PCDH7: variants seen among roughly 807,000 people sequenced by gnomAD.
PCDH7 encodes protocadherin-7.
Under a neutral mutation model 58.9 loss-of-function variants are expected in PCDH7, and 17 were observed. The observed-to-expected ratio is 0.29, with a 90% confidence interval of 0.20 to 0.43. The LOEUF (loss-of-function observed/expected upper bound fraction) is 0.43, where lower values mean the gene tolerates loss of function less well. PCDH7 is among the 20% of genes least tolerant of loss of function. The pLI, the probability that PCDH7 is intolerant of heterozygous loss-of-function variation, is 1.00. For synonymous variants in PCDH7, 664 were observed against 616.4 expected, an observed-to-expected ratio of 1.08 and a Z score of -1.14; for missense variants, 1,274 against 1,441.0, an observed-to-expected ratio of 0.88 and a Z score of 1.88.
chr4:31,121,394 A>G (rs1717675626), intron 3 of PCDH7, among the ~76,000 whole-genome samples: 1 of 152,254 alleles, frequency 6.6e-6, no homozygotes. Flanking sequence ...GATACAAATT[A>G]GAAGAGTTTC....
intron 1 of PCDH7, among the ~76,000 whole-genome samples, chr4:30,870,715 A>T (rs550025463): frequency 3.9e-5 from 6 of 152,086 alleles, no homozygotes; most frequent in Non-Finnish European, 8.8e-5. Flanking sequence ...TTTTGGCATC[A>T]CTTGGAAGCC....
chr4:30,924,718 T>A (rs1295586327), intron 2 of PCDH7, among the ~76,000 whole-genome samples: 2 of 151,856 alleles, frequency 1.3e-5, no homozygotes, highest in Non-Finnish European at 2.9e-5. Context: ...CTGGGTGCAA[T>A]GCCCTTGAAA....
At chr4:30,755,169 C>G (rs1047015452) in intron 1 of PCDH7, among the ~76,000 whole-genome samples, 3 of 152,114 alleles carry the variant, frequency 2.0e-5, no homozygotes, top group African/African-American at 7.2e-5. Context: ...TCATCATATG[C>G]GTGCCATCCT....
At chr4:31,032,180 T>A (rs1292496895) in intron 3 of PCDH7, among the ~76,000 whole-genome samples, 1 of 152,228 alleles carries the variant, frequency 6.6e-6, no homozygotes, top group African/African-American at 2.4e-5. Context: ...TCTTAAAAAG[T>A]TTGGCCTCTA....
At position 30,853,830 on chromosome 4, in the gene PCDH7, C is replaced by G. The variant is rs566171405; in HGVS notation, c.71-66323C>G. On this transcript the variant is annotated intron_variant, in intron 1 of 3. Transcript: ENST00000509759. Reference sequence around the variant, plus strand: ...CACATCAGCCAGGATTTTTTTAAAGCCATTGTGTACTCCAAAGTCTATTTT... The same window carrying G: ...CACATCAGCCAGGATTTTTTTAAAGGCATTGTGTACTCCAAAGTCTATTTT... Among the ~76,000 whole-genome samples, 799 of 151,916 alleles carry G rather than the reference C, an allele frequency of 5.3e-3. 9 individuals carry two copies. The highest frequency in any genetic ancestry group is 0.01 in the Middle Eastern group (3 of 294).
intron 1 of PCDH7, among the ~76,000 whole-genome samples, chr4:30,744,126 A>T (rs983681109): frequency 6.6e-5 from 10 of 152,108 alleles, no homozygotes; most frequent in African/African-American, 2.4e-4. Flanking sequence ...TTTCCCGCCA[A>T]GCTGTTTTCT....
chr4:30,730,674 A>G (rs1715354843), intron 1 of PCDH7: 1 of 1,029,026 alleles, frequency 9.7e-7, no homozygotes, highest in Non-Finnish European at 1.4e-6. Context: ...AAAGCTTTCC[A>G]ATTGGGCATA....
chr4:30,725,597 C>T lies in PCDH7; in HGVS notation c.3174+1001C>T, dbSNP rs188750260. 1.1e-3 allele frequency among the ~76,000 whole-genome samples: 173 copies of T among 152,202 alleles called. 1 individual carries two copies. The highest frequency in any genetic ancestry group is 3.9e-3 in the African/African-American group (164 of 41,546). ...TTTGTATATCTACCAAAGTTTGCCA[C>T]ACAGCAAACAAGACCTTTTGGAAAG... On this transcript the variant is annotated intron_variant, in intron 1 of 1. Transcript: ENST00000361762.
intron 3 of PCDH7, among the ~76,000 whole-genome samples, chr4:31,041,914 A>G (rs1755900366): frequency 6.6e-6 from 1 of 152,186 alleles, no homozygotes; most frequent in African/African-American, 2.4e-5. Context: ...TGTTCATAGA[A>G]GTGAAATATT....
intron 1 of PCDH7, among the ~76,000 whole-genome samples, chr4:30,765,722 T>C (rs1325326885): frequency 6.6e-6 from 1 of 152,220 alleles, no homozygotes; most frequent in Non-Finnish European, 1.5e-5. Context: ...ATTTACTGTG[T>C]TCTCTGATGA....
chr4:31,043,551 A>C (rs1159022331), intron 3 of PCDH7, among the ~76,000 whole-genome samples: 1 of 151,992 alleles, frequency 6.6e-6, no homozygotes, highest in African/African-American at 2.4e-5. Flanking sequence ...GAGCTTTTTA[A>C]GATATGTTTG....
intron 1 of PCDH7, among the ~76,000 whole-genome samples, chr4:30,899,545 C>G (rs1739926561): frequency 6.6e-6 from 1 of 152,132 alleles, no homozygotes; most frequent in Admixed American, 6.5e-5. Context: ...TTCATTTAAG[C>G]CTGTCAGCCA....
At chr4:30,950,542 T>C (rs1241087489) in intron 3 of PCDH7, among the ~76,000 whole-genome samples, 2 of 152,198 alleles carry the variant, frequency 1.3e-5, no homozygotes, top group Non-Finnish European at 2.9e-5. Flanking sequence ...CTACAAACAA[T>C]CGTTATATAA....
At chr4:30,807,831 T>C (rs4498103) in intron 1 of PCDH7, among the ~76,000 whole-genome samples, 89,257 of 152,000 alleles carry the variant, frequency 0.59, 26,929 homozygotes, top group African/African-American at 0.74. Flanking sequence ...GAGAGAGGCT[T>C]TGATCTTAAT....
chr4:31,020,633 G>C (rs982918136), intron 3 of PCDH7, among the ~76,000 whole-genome samples: 1 of 152,192 alleles, frequency 6.6e-6, no homozygotes, highest in African/African-American at 2.4e-5. Flanking sequence ...CAGGACCTGT[G>C]TGCAGAAGGG....
intron 1 of PCDH7, among the ~76,000 whole-genome samples, chr4:30,893,915 A>C (rs1323496348): frequency 6.6e-6 from 1 of 152,130 alleles, no homozygotes; most frequent in Non-Finnish European, 1.5e-5. Context: ...GATTATCCTC[A>C]CAAAGGATTT....
intron 3 of PCDH7, among the ~76,000 whole-genome samples, chr4:31,031,683 A>G (rs971091168): frequency 6.6e-6 from 1 of 152,212 alleles, no homozygotes; most frequent in South Asian, 2.1e-4. Flanking sequence ...GTTATTTCAA[A>G]TATTCAATAG....
intron 1 of PCDH7, among the ~76,000 whole-genome samples, chr4:30,743,990 T>C (rs1021877001): frequency 3.3e-5 from 5 of 152,126 alleles, no homozygotes; most frequent in African/African-American, 9.7e-5. Flanking sequence ...CTGAAAGACA[T>C]GGGATTGTAG....
intron 3 of PCDH7, among the ~76,000 whole-genome samples, chr4:30,982,643 T>C (rs911453842): frequency 2.6e-5 from 4 of 152,198 alleles, no homozygotes; most frequent in African/African-American, 9.6e-5. Context: ...CATTGTGTAA[T>C]ACATATGACC....
Sources: gnomAD v4.1 joint callset for allele counts (sites outside exome capture counted in the v4.1 genomes callset) on GRCh38, gnomAD v4.1.1 for gene constraint, MANE v1.5 for transcripts, NCBI Gene and HGNC (gene_info 2026-07-23, HGNC 2026-07-21) for gene names.